SLC27A4: variants seen among roughly 807,000 people sequenced by gnomAD.
SLC27A4 encodes long-chain fatty acid transport protein 4.
In SLC27A4, 33 loss-of-function variants were observed where a neutral mutation model predicts 64.4. That is an observed-to-expected ratio of 0.51 (90% CI 0.39 to 0.68). The LOEUF (loss-of-function observed/expected upper bound fraction) is 0.68. Among genes scored for constraint, SLC27A4 ranks in the 30% least tolerant of loss-of-function variants. The pLI, the probability that SLC27A4 is intolerant of heterozygous loss-of-function variation, is 0.00. For missense variants in SLC27A4, 824 were observed against 883.5 expected (o/e 0.93, Z 0.85); for synonymous variants, 377 against 370.0 (o/e 1.02, Z -0.22).
rs1832887287 is a variant in SLC27A4, at chr9:128,360,550, C to T, written c.*59C>T. 3 of 1,592,910 alleles carry T rather than the reference C, an allele frequency of 1.9e-6. No individual in the cohort carries two copies. In the Admixed American group the frequency reaches 5.1e-5, roughly 27 times the overall value. ...GGATCCGGAGCCCCAGGTTCCGCCC[C>T]AGAGCGGTCCTGGACAAGGCCAGAC... On this transcript the variant is annotated 3_prime_UTR_variant, in exon 13 of 13. Coordinates refer to ENST00000300456, the MANE Select transcript of SLC27A4 (RefSeq NM_005094.4).
rs949966759 is a variant in SLC27A4, at chr9:128,353,757, T to C, written c.1324+216T>C. Among the ~76,000 whole-genome samples, 2 of 150,218 alleles carry C rather than the reference T, an allele frequency of 1.3e-5. No individual in the cohort carries two copies. The highest frequency in any genetic ancestry group is 2.9e-5 in the Non-Finnish European group (2 of 67,854). On this transcript the variant is annotated intron_variant, in intron 9 of 12. Transcript: ENST00000300456. This position sits in a 1 kb window ranked among gnomAD's most constrained non-coding sequence, Gnocchi z 4.9. The stretch of plus-strand genomic sequence containing the variant: ...ATTCATTCATTCTTTTTTTTTTTTT[T>C]ATTTGAGACGGAGTCTCGCTCTGTC...
At chr9:128,357,661 CAA>C (rs1438206105) in intron 12 of SLC27A4, among the ~76,000 whole-genome samples, 5 of 152,316 alleles carry the variant, frequency 3.3e-5, no homozygotes, top group East Asian at 1.9e-4. Flanking sequence ...TGGTGGCTCT[CAA>C]GAGTTCCCTG....
intron 4 of SLC27A4, 121 bp from the exon 5 acceptor site, chr9:128,350,191 T>C: frequency 1.3e-6 from 1 of 777,844 alleles, no homozygotes; most frequent in Admixed American, 2.0e-5. Flanking sequence ...AGAACAGGCT[T>C]CCTAGCAAGG....
At chr9:128,342,375 G>A (rs1188575807) in intron 1 of SLC27A4, 1 of 1,610,288 alleles carries the variant, frequency 6.2e-7, no homozygotes, top group Non-Finnish European at 8.5e-7. Context: ...AATGAGGCGT[G>A]CACCGCCAAT....
chr9:128,340,709 G>T lies in SLC27A4; in HGVS notation c.-136G>T. ...GCGGGGCGGCCGGGCCATGCAGGGC[G>T]CAGAGCCGGCTAAACCCTGCTGAGA... On this transcript the variant is annotated 5_prime_UTR_variant, in exon 1 of 13. Coordinates refer to ENST00000300456, the MANE Select transcript of SLC27A4 (RefSeq NM_005094.4). The T allele has an allele frequency of 1.9e-6, 1 of 539,370 alleles. No individual in the cohort carries two copies. The highest frequency in any genetic ancestry group is 3.4e-6 in the Non-Finnish European group (1 of 294,288). The allele number at this position is 539,370 out of a possible 1,614,324, so 33.4% of individuals were successfully genotyped here. A position where few individuals can be genotyped will look rare whatever the true frequency, so the allele number is the denominator to read the frequency against.
intron 6 of SLC27A4, 41 bp downstream of exon 6, chr9:128,350,616 G>C (rs2131261984): frequency 6.7e-7 from 1 of 1,485,120 alleles, no homozygotes; most frequent in East Asian, 2.3e-5. Flanking sequence ...CACCTGCCAG[G>C]TCTCTAGGAA....
chr9:128,355,408 G>A lies in SLC27A4; in HGVS notation c.1473G>A (p.Leu491=), dbSNP rs201552447. ...GDQAYLTGDV[L]VMDELGYLYF... is the part of the protein sequence containing the mutation. Reference sequence around the variant, plus strand: ...CCGGCCCCTCCCTAGGTGATGTGCTGGTGATGGACGAGCTGGGCTACCTGT... The same window carrying A: ...CCGGCCCCTCCCTAGGTGATGTGCTAGTGATGGACGAGCTGGGCTACCTGT... Residue 491 remains leucine, a synonymous_variant, in exon 11 of 13, where the codon CTG becomes CTA. Transcript: ENST00000300456. 3.8e-5 allele frequency: 62 copies of A among 1,613,562 alleles called. No individual in the cohort carries two copies. The highest frequency in any genetic ancestry group is 4.7e-5 in the Non-Finnish European group (56 of 1,180,036).
At chr9:128,343,330 C>CTA (rs1564398287) in intron 2 of SLC27A4, 37 bp downstream of exon 2, 1 of 1,612,488 alleles carries the variant, frequency 6.2e-7, no homozygotes. Flanking sequence ...GGGTCTGCCA[C>CTA]ACTACAGTGA....
At position 128,353,635 on chromosome 9, in the gene SLC27A4, C is replaced by T; in HGVS notation, c.1324+94C>T. 1 of 1,311,708 alleles carries T rather than the reference C, an allele frequency of 7.6e-7. No individual in the cohort carries two copies. The allele number at this position is 1,311,708 out of a possible 1,614,324, so 81.3% of individuals were successfully genotyped here. On this transcript the variant is annotated intron_variant, in intron 9 of 12. Transcript: ENST00000300456. This position sits in a 1 kb window ranked among gnomAD's most constrained non-coding sequence, Gnocchi z 4.9. Reference sequence around the variant, plus strand: ...GGGGAGCCTTGTTCTGACCAGTGGCCATCAGTTATCTCTGCTCTTAGGGTT... The same window carrying T: ...GGGGAGCCTTGTTCTGACCAGTGGCTATCAGTTATCTCTGCTCTTAGGGTT...
chr9:128,359,092 G>A (rs1588568344), intron 12 of SLC27A4, among the ~76,000 whole-genome samples: 1 of 152,326 alleles, frequency 6.6e-6, no homozygotes, highest in Admixed American at 6.5e-5. Context: ...AGGGAGGGGA[G>A]GAATCTGCAG....
chr9:128,343,895 G>A (rs1034956424), intron 2 of SLC27A4, among the ~76,000 whole-genome samples: 2 of 152,218 alleles, frequency 1.3e-5, no homozygotes, highest in African/African-American at 4.8e-5. Context: ...AAGGGACACA[G>A]CACATCTGTA....
chr9:128,346,880 C>G (rs571093379), intron 3 of SLC27A4, among the ~76,000 whole-genome samples: 1 of 152,024 alleles, frequency 6.6e-6, no homozygotes, highest in African/African-American at 2.4e-5. Flanking sequence ...TGGTGCGCAC[C>G]TGTAGTCCCA....
In SLC27A4 at chr9:128,353,232, C is replaced by G. The variant is rs745391195; in HGVS notation, c.1195C>G (p.Gln399Glu). 3.1e-6 allele frequency: 5 copies of G among 1,613,912 alleles called. No individual in the cohort carries two copies. In the South Asian group the frequency reaches 5.5e-5, roughly 18 times the overall value. ...CTGTAGCCTGGGCAACTTCGACAGC[C>G]AGGTGCGGCCAGGTTGGGGATGGGC... ...CNCSLGNFDS[Q>E]VGACGFNSRI... The change falls in exon 8 of 13, where the codon CAG (glutamine) becomes GAG (glutamate). Residue 399 changes from glutamine to glutamate, a missense_variant and splice_region_variant. By Grantham distance (29) the Gln-to-Glu change is conservative (BLOSUM62 2). Coordinates refer to ENST00000300456, the MANE Select transcript of SLC27A4 (RefSeq NM_005094.4). This position sits in a 1 kb window ranked among gnomAD's most constrained non-coding sequence, Gnocchi z 4.9.
rs1564405350 is a variant in SLC27A4, at chr9:128,360,695, G to A, written c.*204G>A. The A allele has an allele frequency of 5.0e-6, 3 of 598,530 alleles. No homozygotes were observed. In the East Asian group the frequency reaches 8.7e-5, roughly 17 times the overall value. The allele number at this position is 598,530 out of a possible 1,614,324, so 37.1% of individuals were successfully genotyped here. A position where few individuals can be genotyped will look rare whatever the true frequency, so the allele number is the denominator to read the frequency against. Reference sequence around the variant, plus strand: ...CTTTCTGTGAAAGTCTCATGTCCAAGTTCCGTCTTCTGGGCTGGGCAGGCC... The same window carrying A: ...CTTTCTGTGAAAGTCTCATGTCCAAATTCCGTCTTCTGGGCTGGGCAGGCC... On this transcript the variant is annotated 3_prime_UTR_variant, in exon 13 of 13. Coordinates refer to ENST00000300456, the MANE Select transcript of SLC27A4 (RefSeq NM_005094.4).
In SLC27A4 at chr9:128,361,261, G is replaced by C. The variant is rs529302877; in HGVS notation, c.*770G>C. 1 of 153,088 alleles carries C rather than the reference G, an allele frequency of 6.5e-6. No homozygotes were observed. The highest frequency in any genetic ancestry group is 2.4e-5 in the African/African-American group (1 of 41,526). 9.5% of individuals were successfully genotyped at this position (153,088 alleles called of 1,614,324 possible). ...ACCACCCAAGCCCACCCTGACCCCA[G>C]AACCCCACAGCCCCACTGTGGCCGC... On this transcript the variant is annotated 3_prime_UTR_variant, in exon 13 of 13. Transcript: ENST00000300456.
chr9:128,343,426 C>A, intron 2 of SLC27A4, 133 bp downstream of exon 2: 1 of 991,316 alleles, frequency 1.0e-6, no homozygotes, highest in Non-Finnish European at 1.6e-6. Flanking sequence ...GAACAGCAGC[C>A]TCTGCTCCAC....
intron 12 of SLC27A4, among the ~76,000 whole-genome samples, chr9:128,360,045 G>C (rs1249358954): frequency 6.6e-6 from 1 of 152,172 alleles, no homozygotes; most frequent in Non-Finnish European, 1.5e-5. Context: ...TCCCCACTCT[G>C]CTGTCACTCA....
At chr9:128,355,311 C>T in intron 10 of SLC27A4, 87 bp from the exon 11 acceptor site, 2 of 1,602,828 alleles carry the variant, frequency 1.2e-6, no homozygotes, top group Admixed American at 3.4e-5. Context: ...TCAAACAAAT[C>T]CTTGGGCTCC....
rs748309868 is a variant in SLC27A4, at chr9:128,355,100, C to T, written c.1372C>T (p.Arg458Cys). Residue 458 changes from arginine to cysteine, a missense_variant, in exon 10 of 13, where the codon CGC (arginine) becomes TGC (cysteine). Coordinates refer to ENST00000300456, the MANE Select transcript of SLC27A4 (RefSeq NM_005094.4). Reference sequence around the variant, plus strand: ...CCGCATCATCCAGAAAGACCCCCTGCGCCGCTTCGATGGCTACCTCAACCA... The same window carrying T: ...CCGCATCATCCAGAAAGACCCCCTGTGCCGCTTCGATGGCTACCTCAACCA... ...VGRIIQKDPL[R>C]RFDGYLNQGA... The T allele has an allele frequency of 5.0e-6, 8 of 1,613,202 alleles. No individual in the cohort carries two copies. The highest frequency in any genetic ancestry group is 2.2e-5 in the East Asian group (1 of 44,850).
Sources: gnomAD v4.1 joint callset for allele counts (sites outside exome capture counted in the v4.1 genomes callset) on GRCh38, gnomAD v4.1.1 for gene constraint, Gnocchi (gnomAD v3.1) non-coding constraint, MANE v1.5 for transcripts, NCBI Gene and HGNC (gene_info 2026-07-23, HGNC 2026-07-21) for gene names.